ZFAND2B: variants seen among roughly 807,000 people sequenced by gnomAD.
The protein encoded by ZFAND2B is AN1-type zinc finger protein 2B.
ZFAND2B carries 27 observed loss-of-function variants against 38.2 expected under a neutral mutation model. The observed-to-expected ratio is 0.71, with a 90% CI of 0.52 to 0.97. ZFAND2B has a LOEUF of 0.97. ZFAND2B is among the 50% of genes least tolerant of loss of function. The probability of loss-of-function intolerance (pLI) is 0.00; values close to 1 mark genes in which losing one functional copy is unlikely to be tolerated. For synonymous variants in ZFAND2B, 111 were observed against 119.4 expected (o/e 0.93, Z 0.46); for missense variants, 303 against 331.5 (o/e 0.91, Z 0.67).
chr2:219,208,697 GC>G lies in ZFAND2B; in HGVS notation c.656+59del, dbSNP rs921338843. ...CTGTGGGCAAGGGCTTGGTCTGGAG[GC>G]AGGTAGGTGGGACCACTCTGACACA... On this transcript the variant is annotated intron_variant, in intron 7 of 8. Coordinates refer to ENST00000289528, the MANE Select transcript of ZFAND2B (RefSeq NM_138802.3). The G allele has an allele frequency of 2.5e-5, 40 of 1,597,426 alleles. 1 individual carries two copies. The highest frequency in any genetic ancestry group is 8.6e-7 in the Non-Finnish European group (1 of 1,166,468).
Position 219,209,368 on chromosome 2 carries a change from T to A in ZFAND2B, c.*62T>A. ...GACTGTGGCCCTCACACCTCTAGGG[T>A]ACACAGGGAGAGGAGGCCCGGAGCA... On this transcript the variant is annotated 3_prime_UTR_variant, in exon 9 of 9. Coordinates refer to ENST00000289528, the MANE Select transcript of ZFAND2B (RefSeq NM_138802.3). 6.3e-7 allele frequency: 1 copy of A among 1,579,892 alleles called. No individual in the cohort carries two copies. The highest frequency in any genetic ancestry group is 8.6e-7 in the Non-Finnish European group (1 of 1,159,882).
Position 219,209,220 on chromosome 2 carries a change from G to A in ZFAND2B, c.730-42G>A, listed in dbSNP as rs368291000. On this transcript the variant is annotated intron_variant, in intron 8 of 8. Coordinates refer to ENST00000289528, the MANE Select transcript of ZFAND2B (RefSeq NM_138802.3). ...GAGGGCTGTCCCTCATTTCCTTGACGTTGCACTGTGTCTTCCCCTCCTTCC... is the reference window on the plus strand; with the variant it reads ...GAGGGCTGTCCCTCATTTCCTTGACATTGCACTGTGTCTTCCCCTCCTTCC... The A allele has an allele frequency of 1.4e-5, 23 of 1,589,384 alleles. No individual in the cohort carries two copies. The African/African-American group carries it at 1.9e-4, about 13-fold the overall frequency.
chr2:219,207,954 G>A lies in ZFAND2B; in HGVS notation c.350G>A (p.Arg117His). The A allele has an allele frequency of 6.2e-7, 1 of 1,614,146 alleles. No homozygotes were observed. Among genetic ancestry groups the A allele is most frequent in the Non-Finnish European group, 8.5e-7 (1 of 1,180,024 alleles). Residue 117 changes from arginine to histidine, a missense_variant, in exon 4 of 9, where the codon CGC becomes CAC. Arg to His is a conservative substitution (Grantham distance 29). Coordinates refer to ENST00000289528, the MANE Select transcript of ZFAND2B (RefSeq NM_138802.3). ...GAAATGATGAAACTGACCTGTGAAC[G>A]CTGTAGCCGAAACTTCTGCATCAAG... The part of the protein sequence containing the change: ...QREMMKLTCE[R>H]CSRNFCIKHR...
Position 219,207,701 on chromosome 2 carries a change from A to AG in ZFAND2B, c.208dup (p.Glu70GlyfsTer4). 6.2e-7 allele frequency: 1 copy of AG among 1,614,176 alleles called. No individual in the cohort carries two copies. Among genetic ancestry groups the AG allele is most frequent in the Non-Finnish European group, 8.5e-7 (1 of 1,180,032 alleles). On this transcript the variant is annotated frameshift_variant, in exon 3 of 9. Transcript: ENST00000289528. LOFTEE classifies it high-confidence loss of function. ...GTAATGTGCCTGTGCCTGTGGCCAG[A>AG]GGGGAGCCCCCTGACCGTGCTGTGG...
rs757809986 is a variant in ZFAND2B, at chr2:219,207,850, G to A, written c.283-37G>A. On this transcript the variant is annotated intron_variant, in intron 3 of 8. Coordinates refer to ENST00000289528, the MANE Select transcript of ZFAND2B (RefSeq NM_138802.3). ...GCCTGGAAACCCAAACAGCTAATCA[G>A]AGTCTCAGCAGAGACAACCTTCTCA... The A allele has an allele frequency of 2.5e-6, 4 of 1,613,810 alleles. No homozygotes were observed. The South Asian group carries it at 3.3e-5, about 13-fold the overall frequency.
In ZFAND2B at chr2:219,208,456, C is replaced by T. The variant is rs147381573; in HGVS notation, c.558C>T (p.Ala186=). Residue 186 remains alanine, a synonymous_variant, in exon 6 of 9, where the codon GCC becomes GCT. Coordinates refer to ENST00000289528, the MANE Select transcript of ZFAND2B (RefSeq NM_138802.3). Reference sequence around the variant, plus strand: ...CAACCCGATCTCCGTCCTGGACAGCCCCTCCAGTGATTGCTTTGCAGAATG... The same window carrying T: ...CAACCCGATCTCCGTCCTGGACAGCTCCTCCAGTGATTGCTTTGCAGAATG... ...RATTRSPSWT[A]PPVIALQNGL... The T allele has an allele frequency of 3.7e-6, 6 of 1,614,248 alleles. No homozygotes were observed. Among genetic ancestry groups the T allele is most frequent in the Non-Finnish European group, 5.1e-6 (6 of 1,180,050 alleles).
Position 219,207,801 on chromosome 2 carries a change from C to T in ZFAND2B, c.282+22C>T. 1.9e-6 allele frequency: 3 copies of T among 1,613,918 alleles called. No individual in the cohort carries two copies. In the South Asian group the frequency reaches 3.3e-5, roughly 18 times the overall value. On this transcript the variant is annotated intron_variant, in intron 3 of 8. Coordinates refer to ENST00000289528, the MANE Select transcript of ZFAND2B (RefSeq NM_138802.3). ...TAAGGTAAACATTGTAGGGGTCAGC[C>T]ACAACCCAGCTGGGACTACGGATGC...
chr2:219,209,604 AGGGGCCTGG>A lies in ZFAND2B; in HGVS notation c.*299_*307del. 3.0e-6 allele frequency: 2 copies of A among 660,964 alleles called. No individual in the cohort carries two copies. Among genetic ancestry groups the A allele is most frequent in the Admixed American group, 2.2e-5 (1 of 46,096 alleles). 40.9% of individuals were successfully genotyped at this position (660,964 alleles called of 1,614,324 possible). A position where few individuals can be genotyped will look rare whatever the true frequency, so the allele number is the denominator to read the frequency against. On this transcript the variant is annotated 3_prime_UTR_variant, in exon 9 of 9. Coordinates refer to ENST00000289528, the MANE Select transcript of ZFAND2B (RefSeq NM_138802.3). ...CTGCCCCGATGTGGAGTGGGCAGGA[AGGGGCCTGG>A]AAAAAATAAAGGATCTTGGCAGTTG... is the stretch of plus-strand genomic sequence containing the variant.
rs746171291 is a variant in ZFAND2B, at chr2:219,207,872, C to T, written c.283-15C>T. On this transcript the variant is annotated splice_polypyrimidine_tract_variant and intron_variant, in intron 3 of 8. Transcript: ENST00000289528. ...TCAGAGTCTCAGCAGAGACAACCTT[C>T]TCACTTCACCTCAGATCTTCACCAA... The T allele has an allele frequency of 2.5e-6, 4 of 1,614,096 alleles. No individual in the cohort carries two copies. The Admixed American group carries it at 6.7e-5, about 27-fold the overall frequency.
rs756269764 is a variant in ZFAND2B, at chr2:219,207,388, C to T, written c.117C>T (p.Tyr39=). ...TCTTCTGCGCAGACCATGTGGCCTACGCCCAGCATCACTGTGGATCTGCTT... is the reference window on the plus strand; with the variant it reads ...TCTTCTGCGCAGACCATGTGGCCTATGCCCAGCATCACTGTGGATCTGCTT... The part of the protein sequence containing the change: ...SGIFCADHVA[Y]AQHHCGSAYQ... The change falls in exon 2 of 9, where the codon TAC becomes TAT. Residue 39 remains tyrosine, a synonymous_variant. Coordinates refer to ENST00000289528, the MANE Select transcript of ZFAND2B (RefSeq NM_138802.3). 35 of 1,612,692 alleles carry T rather than the reference C, an allele frequency of 2.2e-5. No homozygotes were observed. In the South Asian group the frequency reaches 3.4e-4, roughly 16 times the overall value.
rs1950490196 is a variant in ZFAND2B, at chr2:219,206,855, G to A, written c.-133G>A. ...TGGCGCGGGGGCTCCGGTAACCCGG[G>A]CTGGGCGGGGGAGAGGAAGGGGCGG... On this transcript the variant is annotated 5_prime_UTR_variant, in exon 1 of 9. Coordinates refer to ENST00000289528, the MANE Select transcript of ZFAND2B (RefSeq NM_138802.3). 2 of 986,084 alleles carry A rather than the reference G, an allele frequency of 2.0e-6. No homozygotes were observed. The highest frequency in any genetic ancestry group is 3.7e-5 in the Admixed American group (1 of 27,256). 61.1% of individuals were successfully genotyped at this position (986,084 alleles called of 1,614,324 possible). A position where few individuals can be genotyped will look rare whatever the true frequency, so the allele number is the denominator to read the frequency against.
Position 219,206,910 on chromosome 2 carries a change from C to A in ZFAND2B, c.-78C>A. On this transcript the variant is annotated 5_prime_UTR_variant, in exon 1 of 9. Coordinates refer to ENST00000289528, the MANE Select transcript of ZFAND2B (RefSeq NM_138802.3). ...GGGAGCCCGCCAGAGTGCGGGGTCGCGGTGCGGACTTCGAGCACGAGCCCT... is the reference window on the plus strand; with the variant it reads ...GGGAGCCCGCCAGAGTGCGGGGTCGAGGTGCGGACTTCGAGCACGAGCCCT... 6.7e-7 allele frequency: 1 copy of A among 1,497,678 alleles called. No individual in the cohort carries two copies. Among genetic ancestry groups the A allele is most frequent in the African/African-American group, 1.4e-5 (1 of 71,842 alleles). The allele number at this position is 1,497,678 out of a possible 1,614,324, so 92.8% of individuals were successfully genotyped here. A position where few individuals can be genotyped will look rare whatever the true frequency, so the allele number is the denominator to read the frequency against.
intron 1 of ZFAND2B, 104 bp from the exon 2 acceptor site, chr2:219,207,223 G>A: frequency 7.1e-7 from 1 of 1,417,922 alleles, no homozygotes; most frequent in South Asian, 1.1e-5. Flanking sequence ...AAGGGGCGGT[G>A]TGTCGAAAAT....
Position 219,208,311 on chromosome 2 carries a change from C to T in ZFAND2B, c.490C>T (p.Pro164Ser). Residue 164 changes from proline (P) to serine (S), a missense_variant, in exon 5 of 9, where the codon CCA (proline) becomes TCA (serine). By Grantham distance (74) the Pro-to-Ser change is moderately conservative. Coordinates refer to ENST00000289528, the MANE Select transcript of ZFAND2B (RefSeq NM_138802.3). Reference protein sequence around the residue: ...AVASTSTVPSPSQTMPSCTSP... With the variant: ...AVASTSTVPSSSQTMPSCTSP... The stretch of plus-strand genomic sequence containing the variant: ...GGCTTCTACAAGCACTGTCCCCAGC[C>T]CAAGTCAAACCATGCCTTCCTGTAC... 2 of 1,614,152 alleles carry T rather than the reference C, an allele frequency of 1.2e-6. No individual in the cohort carries two copies. The highest frequency in any genetic ancestry group is 2.2e-5 in the East Asian group (1 of 44,886).
intron 2 of ZFAND2B, 26 bp downstream of exon 2, chr2:219,207,447 A>G (rs1443697647): frequency 6.2e-7 from 1 of 1,604,612 alleles, no homozygotes; most frequent in Admixed American, 1.7e-5. Flanking sequence ...TCAGGGTGAA[A>G]GCAGGCAGAT....
At chr2:219,208,825 G>A (rs1002507110) in intron 7 of ZFAND2B, 152 bp from the exon 8 acceptor site, 9 of 1,035,128 alleles carry the variant, frequency 8.7e-6, no homozygotes, top group African/African-American at 3.2e-5. Flanking sequence ...TCTATAAAAC[G>A]GGGACAATAC....
At chr2:219,207,530 G>A in intron 2 of ZFAND2B, 109 bp downstream of exon 2, 1 of 1,588,258 alleles carries the variant, frequency 6.3e-7, no homozygotes, top group South Asian at 1.1e-5. Context: ...GAGGCTGTCA[G>A]TGCTGGGAAA....
At chr2:219,207,177 C>T in intron 1 of ZFAND2B, 135 bp downstream of exon 1, 1 of 1,326,340 alleles carries the variant, frequency 7.5e-7, no homozygotes, top group Non-Finnish European at 1.1e-6. Context: ...TGGTCAGCGG[C>T]AGAGGGGGCG....
chr2:219,208,941 T>C (rs1950533350), intron 7 of ZFAND2B, 36 bp from the exon 8 acceptor site: 1 of 1,607,150 alleles, frequency 6.2e-7, no homozygotes, highest in Non-Finnish European at 8.5e-7. Flanking sequence ...TTTCAGATCT[T>C]ACCATCATCC....
Sources: allele counts gnomAD v4.1 joint callset, GRCh38; gene constraint gnomAD v4.1.1; transcripts MANE v1.5; gene names NCBI Gene and HGNC (gene_info 2026-07-23, HGNC 2026-07-21).